FMN1: variants seen among roughly 807,000 people sequenced by gnomAD.
FMN1 encodes formin-1.
FMN1 carries 110 observed loss-of-function variants against 132.4 expected under a neutral mutation model. The observed-to-expected ratio is 0.83, with a 90% CI of 0.71 to 0.97. The LOEUF is 0.97. Among genes scored for constraint, FMN1 ranks in the 50% least tolerant of loss-of-function variants. The pLI is 0.00. For synonymous variants in FMN1, 722 were observed against 651.7 expected, an observed-to-expected ratio of 1.11 and a Z score of -1.64; for missense variants, 1,792 against 1,705.3, an observed-to-expected ratio of 1.05 and a Z score of -0.90.
rs755341646 is a variant in FMN1 at position 32,771,820 on chromosome 15, T to A, written c.*2490A>T. Reference sequence around the variant, plus strand: ...ATCATTTTCAAGGCCTCCAGATTATTTTAGATGAACTTCCTTGAACAAATT... The same window carrying A: ...ATCATTTTCAAGGCCTCCAGATTATATTAGATGAACTTCCTTGAACAAATT... On this transcript the variant is annotated 3_prime_UTR_variant, in exon 21 of 21. Transcript: ENST00000616417. The A allele has an allele frequency of 2.0e-5, 3 of 152,194 alleles. No homozygotes were observed. The East Asian group carries it at 5.8e-4, about 29-fold the overall frequency. 9.4% of individuals were successfully genotyped at this position (152,194 alleles called of 1,614,324 possible). A position where few individuals can be genotyped will look rare whatever the true frequency, so the allele number is the denominator to read the frequency against.
chr15:32,939,249 A>G (rs557590060), intron 9 of FMN1, among the ~76,000 whole-genome samples: 2 of 152,356 alleles, frequency 1.3e-5, no homozygotes, highest in South Asian at 4.1e-4. Flanking sequence ...AAGCACAGCT[A>G]ACCGAATTTT....
chr15:33,020,285 T>TA (rs748405723), intron 6 of FMN1, among the ~76,000 whole-genome samples: 2 of 152,138 alleles, frequency 1.3e-5, no homozygotes, highest in Non-Finnish European at 2.9e-5. Context: ...ACCCAGCTGC[T>TA]AGTGTCCACT....
intron 17 of FMN1, among the ~76,000 whole-genome samples, chr15:32,818,945 G>C (rs539652352): frequency 6.7e-6 from 1 of 149,866 alleles, no homozygotes; most frequent in Non-Finnish European, 1.5e-5. Context: ...AAAAAAAAAG[G>C]CTCATGAAAC....
intron 7 of FMN1, among the ~76,000 whole-genome samples, chr15:32,993,455 CAA>C (rs112769939): frequency 0.042 from 6,436 of 152,062 alleles, 447 homozygotes; most frequent in African/African-American, 0.14. Flanking sequence ...CTGCAGCTTT[CAA>C]AGACAGTACA....
chr15:33,028,388 T>G (rs1272542981), intron 6 of FMN1, among the ~76,000 whole-genome samples: 1 of 152,156 alleles, frequency 6.6e-6, no homozygotes, highest in Non-Finnish European at 1.5e-5. Context: ...AAGTGAACTT[T>G]GCAGTGAGCC....
At chr15:33,172,899 A>C (rs1965382250) in intron 3 of FMN1, among the ~76,000 whole-genome samples, 1 of 152,232 alleles carries the variant, frequency 6.6e-6, no homozygotes, top group Admixed American at 6.5e-5. Flanking sequence ...ATAATGAATC[A>C]AAGAATGTGA....
At chr15:33,021,012 A>G (rs2035390001) in intron 6 of FMN1, among the ~76,000 whole-genome samples, 1 of 152,212 alleles carries the variant, frequency 6.6e-6, no homozygotes, top group African/African-American at 2.4e-5. Flanking sequence ...TGTTTTGGCT[A>G]GTGGAATATA....
intron 3 of FMN1, among the ~76,000 whole-genome samples, chr15:33,159,797 G>A (rs1027268867): frequency 2.0e-5 from 3 of 152,230 alleles, no homozygotes; most frequent in Non-Finnish European, 4.4e-5. Flanking sequence ...GAGGAGTCCT[G>A]TAATTCAGAA....
Position 33,003,663 on chromosome 15 carries a change from T to C in FMN1, c.2223+4351A>G, listed in dbSNP as rs2034246161. On this transcript the variant is annotated intron_variant, in intron 7 of 20. Coordinates refer to ENST00000616417, the MANE Select transcript of FMN1 (RefSeq NM_001277313.2). ...AATGCCATCCCCATCAAGCTACCAA[T>C]GACTTTCTTCACAGAATTGGAAAAA... Among the ~76,000 whole-genome samples, 3 of 152,158 alleles carry C rather than the reference T, an allele frequency of 2.0e-5. No individual in the cohort carries two copies. In the South Asian group the frequency reaches 6.2e-4, roughly 32 times the overall value.
intron 7 of FMN1, among the ~76,000 whole-genome samples, chr15:32,988,955 A>T (rs1034142664): frequency 6.6e-5 from 10 of 152,214 alleles, no homozygotes; most frequent in Non-Finnish European, 1.3e-4. Context: ...ACATCTGATA[A>T]ATGCACATTT....
At chr15:32,979,835 T>C (rs2032509015) in intron 7 of FMN1, among the ~76,000 whole-genome samples, 1 of 152,186 alleles carries the variant, frequency 6.6e-6, no homozygotes, top group South Asian at 2.1e-4. Flanking sequence ...AGAATGCTAC[T>C]CCAAGCCCAA....
At chr15:33,047,427 A>C (rs186931087) in intron 6 of FMN1, among the ~76,000 whole-genome samples, 1 of 152,188 alleles carries the variant, frequency 6.6e-6, no homozygotes, top group Non-Finnish European at 1.5e-5. Context: ...TAAGATATTT[A>C]AAAAAACTTT....
intron 7 of FMN1, among the ~76,000 whole-genome samples, chr15:33,005,296 T>C (rs1159239387): frequency 1.3e-5 from 2 of 151,878 alleles, no homozygotes; most frequent in African/African-American, 4.8e-5. Flanking sequence ...TAGGTAAACA[T>C]CATAAATGTG....
At chr15:33,000,281 C>G (rs2034017935) in intron 7 of FMN1, among the ~76,000 whole-genome samples, 1 of 152,016 alleles carries the variant, frequency 6.6e-6, no homozygotes, top group African/African-American at 2.4e-5. Flanking sequence ...AATCCCGTCT[C>G]TACTAAACAT....
intron 16 of FMN1, among the ~76,000 whole-genome samples, chr15:32,887,893 T>C (rs557984315): frequency 3.2e-4 from 49 of 152,312 alleles, no homozygotes; most frequent in Non-Finnish European, 6.8e-4. Context: ...TTACTGCTAT[T>C]ATCATTAATA....
intron 2 of FMN1, among the ~76,000 whole-genome samples, chr15:33,186,539 G>A (rs1044173471): frequency 2.6e-5 from 4 of 151,912 alleles, no homozygotes; most frequent in Non-Finnish European, 5.9e-5. Flanking sequence ...CACAAATACA[G>A]TTCTTGCAAC....
In FMN1 at chr15:32,964,094, A is replaced by G. The variant is rs766029992; in HGVS notation, c.3138+13T>C. 2.5e-6 allele frequency: 4 copies of G among 1,601,014 alleles called. No homozygotes were observed. In the Admixed American group the frequency reaches 6.8e-5, roughly 27 times the overall value. On this transcript the variant is annotated intron_variant, in intron 9 of 20. Transcript: ENST00000616417. Reference sequence around the variant, plus strand: ...TAATATATAATTACAGCTTTGCCATAATCACTCAGTACCTTTTTGACCTTG... The same window carrying G: ...TAATATATAATTACAGCTTTGCCATGATCACTCAGTACCTTTTTGACCTTG...
chr15:33,124,487 C>T (rs1245452333), intron 4 of FMN1, among the ~76,000 whole-genome samples: 1 of 152,098 alleles, frequency 6.6e-6, no homozygotes. Flanking sequence ...TAAATTACTG[C>T]TTGGGACTGA....
chr15:32,766,791 G>T lies in FMN1; in HGVS notation c.*7519C>A, dbSNP rs2140810739. The T allele has an allele frequency of 6.6e-6, 1 of 152,218 alleles. No individual in the cohort carries two copies. The highest frequency in any genetic ancestry group is 6.5e-5 in the Admixed American group (1 of 15,278). The allele number at this position is 152,218 out of a possible 1,614,324, so 9.4% of individuals were successfully genotyped here. A position where few individuals can be genotyped will look rare whatever the true frequency, so the allele number is the denominator to read the frequency against. ...TCAGTTGTCTATGATGCAGAGGTGTGAAAAAATCTGGGTCTGGGGGAAACT... is the reference window on the plus strand; with the variant it reads ...TCAGTTGTCTATGATGCAGAGGTGTTAAAAAATCTGGGTCTGGGGGAAACT... On this transcript the variant is annotated 3_prime_UTR_variant, in exon 21 of 21. Transcript: ENST00000616417.
Sources: allele counts gnomAD v4.1 joint callset (sites outside exome capture counted in the v4.1 genomes callset), GRCh38; gene constraint gnomAD v4.1.1; transcripts MANE v1.5; gene names NCBI Gene and HGNC (gene_info 2026-07-23, HGNC 2026-07-21).